The following CCSER1 variants were observed in gnomAD, a reference collection of about 807,000 sequenced individuals.
CCSER1 encodes the protein coiled-coil serine rich protein 1.
A neutral mutation model predicts 82.0 loss-of-function variants in CCSER1; 41 were observed. The ratio of observed to expected loss-of-function variants is 0.50; its 90% CI spans 0.39 to 0.65. The LOEUF (loss-of-function observed/expected upper bound fraction) is 0.65, where lower values mean the gene tolerates loss of function less well. Among genes scored for constraint, CCSER1 ranks in the 30% least tolerant of loss-of-function variants. The pLI is 0.00. For synonymous variants in CCSER1, 414 were observed against 383.9 expected (o/e 1.08, Z -0.92); for missense variants, 1,119 against 1,064.2 (o/e 1.05, Z -0.72).
intron 10 of CCSER1, among the ~76,000 whole-genome samples, chr4:91,490,442 A>G (rs1042577665): frequency 2.2e-4 from 33 of 152,092 alleles, no homozygotes; most frequent in African/African-American, 7.5e-4. Flanking sequence ...CATTTGTAGC[A>G]ACATAGATGG....
At chr4:91,519,815 A>T (rs1760354175) in intron 10 of CCSER1, among the ~76,000 whole-genome samples, 1 of 152,118 alleles carries the variant, frequency 6.6e-6, no homozygotes, top group Non-Finnish European at 1.5e-5. Flanking sequence ...TGTTTCCTTG[A>T]TGAATCCCAA....
At chr4:91,319,896 A>T (rs1172251426) in intron 10 of CCSER1, among the ~76,000 whole-genome samples, 1 of 152,018 alleles carries the variant, frequency 6.6e-6, no homozygotes, top group Non-Finnish European at 1.5e-5. Flanking sequence ...CACAATCCAA[A>T]ATATTAAATG....
At chr4:90,866,546 C>T (rs912962529) in intron 8 of CCSER1, among the ~76,000 whole-genome samples, 20 of 151,858 alleles carry the variant, frequency 1.3e-4, no homozygotes, top group African/African-American at 4.8e-4. Context: ...TTAAGAAAAC[C>T]CATTAAATTT....
intron 6 of CCSER1, among the ~76,000 whole-genome samples, chr4:90,685,514 TC>T (rs1279381289): frequency 6.6e-6 from 1 of 152,124 alleles, no homozygotes; most frequent in Admixed American, 6.6e-5. Flanking sequence ...ACACATTCTT[TC>T]CACCCATAGG....
chr4:90,292,099 C>T (rs1731041488), intron 1 of CCSER1, among the ~76,000 whole-genome samples: 1 of 151,890 alleles, frequency 6.6e-6, no homozygotes, highest in Non-Finnish European at 1.5e-5. Flanking sequence ...CTTGTCATCA[C>T]ATTTCTAATT....
intron 8 of CCSER1, among the ~76,000 whole-genome samples, chr4:90,837,230 T>A (rs1761914811): frequency 6.6e-6 from 1 of 152,170 alleles, no homozygotes; most frequent in South Asian, 2.1e-4. Context: ...TCTGTGATTA[T>A]TTTTCTTCTA....
intron 5 of CCSER1, among the ~76,000 whole-genome samples, chr4:90,478,485 A>G (rs554463036): frequency 6.6e-6 from 1 of 152,256 alleles, no homozygotes; most frequent in East Asian, 1.9e-4. Context: ...TAGGGTTGTA[A>G]ACTATTGTTT....
At chr4:90,890,515 A>C (rs1722804603) in intron 8 of CCSER1, among the ~76,000 whole-genome samples, 1 of 152,162 alleles carries the variant, frequency 6.6e-6, no homozygotes. Flanking sequence ...ACTAAGGCCT[A>C]CATTGCCTGC....
intron 10 of CCSER1, among the ~76,000 whole-genome samples, chr4:91,374,316 CGG>C (rs1750248644): frequency 6.6e-6 from 1 of 152,144 alleles, no homozygotes; most frequent in Non-Finnish European, 1.5e-5. Context: ...CTTTTAAGGA[CGG>C]AATGACTCCT....
chr4:90,682,685 T>G (rs960312819), intron 6 of CCSER1, among the ~76,000 whole-genome samples: 3 of 152,074 alleles, frequency 2.0e-5, no homozygotes, highest in Admixed American at 2.0e-4. Context: ...AAAGAAGTGC[T>G]TCTTGTTGTG....
intron 10 of CCSER1, among the ~76,000 whole-genome samples, chr4:91,171,998 C>A (rs1732810263): frequency 6.6e-6 from 1 of 151,730 alleles, no homozygotes; most frequent in Non-Finnish European, 1.5e-5. Flanking sequence ...TCTTTATATT[C>A]AATAAAAAAA....
chr4:91,518,560 A>G (rs2110133923), intron 10 of CCSER1, among the ~76,000 whole-genome samples: 1 of 152,200 alleles, frequency 6.6e-6, no homozygotes. Context: ...GTTCAGCCAG[A>G]GGGTGGGGCA....
intron 10 of CCSER1, among the ~76,000 whole-genome samples, chr4:91,164,158 G>T (rs1409052015): frequency 6.6e-6 from 1 of 152,242 alleles, no homozygotes; most frequent in African/African-American, 2.4e-5. Context: ...TTGCTTGTCT[G>T]TAAAGAATTT....
At chr4:91,292,562 A>T (rs1743833958) in intron 10 of CCSER1, among the ~76,000 whole-genome samples, 1 of 151,564 alleles carries the variant, frequency 6.6e-6, no homozygotes, top group South Asian at 2.1e-4. Context: ...ATAATTGGAA[A>T]TAAATATAGA....
At chr4:90,488,327 A>G (rs1324768728) in intron 5 of CCSER1, among the ~76,000 whole-genome samples, 1 of 152,050 alleles carries the variant, frequency 6.6e-6, no homozygotes, top group African/African-American at 2.4e-5. Flanking sequence ...AGCTGGGACT[A>G]CAGGCACCCA....
intron 3 of CCSER1, among the ~76,000 whole-genome samples, chr4:90,321,649 A>C (rs1046028315): frequency 6.6e-6 from 1 of 152,150 alleles, no homozygotes; most frequent in Non-Finnish European, 1.5e-5. Context: ...AATGTTCTCC[A>C]TACTGGTTGT....
At chr4:90,839,089 C>T in intron 8 of CCSER1, 2 of 1,448,028 alleles carry the variant, frequency 1.4e-6, no homozygotes, top group Non-Finnish European at 1.9e-6. Context: ...GAAGTCTGGT[C>T]TGCGCAGTGG....
intron 5 of CCSER1, among the ~76,000 whole-genome samples, chr4:90,522,453 A>T (rs1773250937): frequency 6.6e-6 from 1 of 152,074 alleles, no homozygotes; most frequent in Non-Finnish European, 1.5e-5. Flanking sequence ...GGAGTCCATG[A>T]TCTATACTGG....
intron 10 of CCSER1, among the ~76,000 whole-genome samples, chr4:91,444,492 C>G (rs1027410336): frequency 2.0e-5 from 3 of 152,026 alleles, no homozygotes; most frequent in South Asian, 2.1e-4. Context: ...CTCTATCACC[C>G]AGGCTGGAGT....
Sources: allele counts gnomAD v4.1 joint callset (sites outside exome capture counted in the v4.1 genomes callset), GRCh38; gene constraint gnomAD v4.1.1; transcripts MANE v1.5; gene names NCBI Gene and HGNC (gene_info 2026-07-23, HGNC 2026-07-21).